Variants in MINDY4 observed in about 807,000 individuals in gnomAD.
MINDY4 encodes the protein probable ubiquitin carboxyl-terminal hydrolase MINDY-4.
MINDY4 carries 68 observed loss-of-function variants against 87.0 expected under a neutral mutation model. The ratio of observed to expected loss-of-function variants is 0.78; its 90% CI spans 0.64 to 0.96. The LOEUF is 0.96. Ranked by LOEUF, MINDY4 falls within the 40% of genes least tolerant of loss-of-function variation. The pLI is 0.00. For missense variants in MINDY4, 919 were observed against 928.2 expected (o/e 0.99, Z 0.13); for synonymous variants, 379 against 363.2 (o/e 1.04, Z -0.50).
intron 13 of MINDY4, among the ~76,000 whole-genome samples, chr7:30,865,702 T>G (rs546657112): frequency 3.3e-5 from 5 of 152,368 alleles, no homozygotes; most frequent in Admixed American, 3.3e-4. Flanking sequence ...GCCTTTGTTG[T>G]CTTGTGGCAA....
intron 9 of MINDY4, among the ~76,000 whole-genome samples, chr7:30,846,244 C>T (rs1474925440): frequency 6.6e-6 from 1 of 152,172 alleles, no homozygotes; most frequent in Admixed American, 6.5e-5. Context: ...CAGGGAGCTC[C>T]CCCAAATTAT....
chr7:30,834,207 G>T (rs1412640876), intron 6 of MINDY4, among the ~76,000 whole-genome samples: 2 of 152,258 alleles, frequency 1.3e-5, no homozygotes, highest in Non-Finnish European at 2.9e-5. Flanking sequence ...CGCCCCTGTA[G>T]CAAACTTCTG....
intron 5 of MINDY4, among the ~76,000 whole-genome samples, chr7:30,794,411 A>G (rs572434234): frequency 6.6e-6 from 1 of 152,112 alleles, no homozygotes; most frequent in Non-Finnish European, 1.5e-5. Context: ...GCTCTGTCCT[A>G]AGGAAGCTGG....
chr7:30,874,486 C>A (rs993856316), intron 14 of MINDY4, among the ~76,000 whole-genome samples: 1 of 152,178 alleles, frequency 6.6e-6, no homozygotes, highest in African/African-American at 2.4e-5. Context: ...AAGGAAGGGA[C>A]CTTCCAGCCT....
intron 5 of MINDY4, among the ~76,000 whole-genome samples, chr7:30,821,547 T>C (rs1307040286): frequency 6.6e-6 from 1 of 152,216 alleles, no homozygotes; most frequent in Non-Finnish European, 1.5e-5. Flanking sequence ...TAAAATGACA[T>C]GTCTAGGTAT....
intron 17 of MINDY4, among the ~76,000 whole-genome samples, chr7:30,886,914 G>A (rs1209227292): frequency 1.3e-5 from 2 of 152,070 alleles, no homozygotes; most frequent in African/African-American, 4.8e-5. Context: ...TTCCAAACGA[G>A]ACACACACAG....
At chr7:30,855,976 C>A (rs915094455) in intron 12 of MINDY4, among the ~76,000 whole-genome samples, 2 of 152,258 alleles carry the variant, frequency 1.3e-5, no homozygotes, top group African/African-American at 4.8e-5. Context: ...TTCCTCGTGC[C>A]AGGCCTGGAA....
chr7:30,889,836 G>A (rs867540649), intron 17 of MINDY4, among the ~76,000 whole-genome samples: 1 of 152,186 alleles, frequency 6.6e-6, no homozygotes, highest in African/African-American at 2.4e-5. Flanking sequence ...CTTGTCACAG[G>A]TTAGACTGGG....
At chr7:30,774,668 C>T (rs73685792) in intron 1 of MINDY4, among the ~76,000 whole-genome samples, 9,708 of 151,816 alleles carry the variant, frequency 0.064, 1,000 homozygotes, top group African/African-American at 0.22. Flanking sequence ...TTTTAGTCCT[C>T]GCCCTTCTTG....
At chr7:30,864,436 C>G (rs111333577) in intron 13 of MINDY4, among the ~76,000 whole-genome samples, 29 of 152,370 alleles carry the variant, frequency 1.9e-4, no homozygotes, top group African/African-American at 6.0e-4. Flanking sequence ...TGATTCCTAT[C>G]AGAAGCCCAG....
At chr7:30,786,049 C>A in intron 4 of MINDY4, 57 bp downstream of exon 4, 1 of 1,598,192 alleles carries the variant, frequency 6.3e-7, no homozygotes, top group Non-Finnish European at 8.5e-7. Context: ...CTGGGCTGGG[C>A]TTAAGGCACG....
chr7:30,800,757 C>G (rs1310608590), intron 5 of MINDY4, among the ~76,000 whole-genome samples: 1 of 152,236 alleles, frequency 6.6e-6, no homozygotes, highest in Non-Finnish European at 1.5e-5. Flanking sequence ...CTGCCTTGTT[C>G]TGCTGTGGGT....
At chr7:30,888,930 C>T (rs1292552706) in intron 17 of MINDY4, among the ~76,000 whole-genome samples, 5 of 152,198 alleles carry the variant, frequency 3.3e-5, no homozygotes, top group Admixed American at 6.5e-5. Context: ...GTGTGACTCA[C>T]CCCTGCACTG....
In MINDY4 at chr7:30,778,357, C is replaced by A. The variant is rs1232994932; in HGVS notation, c.64-75C>A. ...AATTATCTTGGTGAACATCAGGAAT[C>A]GTTTGCTTGTGCTTTATGAGAACAG... On this transcript the variant is annotated intron_variant, in intron 1 of 17. Coordinates refer to ENST00000265299, the MANE Select transcript of MINDY4 (RefSeq NM_032222.3). The A allele has an allele frequency of 4.4e-6, 7 of 1,583,432 alleles. No individual in the cohort carries two copies. In the Admixed American group the frequency reaches 1.2e-4, roughly 27 times the overall value.
At chr7:30,854,716 C>T (rs566845466) in intron 12 of MINDY4, among the ~76,000 whole-genome samples, 15 of 152,356 alleles carry the variant, frequency 9.8e-5, no homozygotes, top group East Asian at 7.7e-4. Context: ...GACTGCCTTC[C>T]GCAGAACTTT....
At chr7:30,811,875 G>A (rs1293410679) in intron 5 of MINDY4, among the ~76,000 whole-genome samples, 2 of 152,168 alleles carry the variant, frequency 1.3e-5, no homozygotes, top group African/African-American at 4.8e-5. Context: ...CACTTGGGGA[G>A]CTCGGTTGTT....
At chr7:30,860,732 C>T (rs1446996971) in intron 13 of MINDY4, among the ~76,000 whole-genome samples, 1 of 152,108 alleles carries the variant, frequency 6.6e-6, no homozygotes, top group Non-Finnish European at 1.5e-5. Context: ...CTGCATGTAG[C>T]CCTGTCCCTC....
Position 30,790,709 on chromosome 7 carries a change from T to A in MINDY4, c.664-456T>A, listed in dbSNP as rs6958487. 3.9e-3 allele frequency among the ~76,000 whole-genome samples: 601 copies of A among 152,262 alleles called. 1 individual carries two copies. The highest frequency in any genetic ancestry group is 0.014 in the African/African-American group (580 of 41,556). On this transcript the variant is annotated intron_variant, in intron 4 of 17. Coordinates refer to ENST00000265299, the MANE Select transcript of MINDY4 (RefSeq NM_032222.3). ...ATACACCCGCCTTGGCCTCCCAAAG[T>A]GCTAGGATTACAGGCATGAGCCACC...
chr7:30,837,686 G>A (rs2128566361), intron 7 of MINDY4, among the ~76,000 whole-genome samples: 1 of 152,254 alleles, frequency 6.6e-6, no homozygotes, highest in Middle Eastern at 3.4e-3. Flanking sequence ...TATGCTTGGG[G>A]CAGACCCCTC....
Sources: gnomAD v4.1 joint callset for allele counts (sites outside exome capture counted in the v4.1 genomes callset) on GRCh38, gnomAD v4.1.1 for gene constraint, MANE v1.5 for transcripts, NCBI Gene and HGNC (gene_info 2026-07-23, HGNC 2026-07-21) for gene names.